Variants in ABL1 observed in about 807,000 individuals in gnomAD.
The protein encoded by ABL1 is ABL proto-oncogene 1, non-receptor tyrosine kinase.
Under a neutral mutation model 94.7 loss-of-function variants are expected in ABL1, and 11 were observed. The ratio of observed to expected loss-of-function variants is 0.12; its 90% CI spans 0.07 to 0.19. The LOEUF (loss-of-function observed/expected upper bound fraction) is 0.19, where lower values mean the gene tolerates loss of function less well. Ranked by LOEUF, ABL1 falls within the 10% of genes least tolerant of loss-of-function variation. The pLI, the probability that ABL1 is intolerant of heterozygous loss-of-function variation, is 1.00. For synonymous variants in ABL1, 656 were observed against 622.4 expected, an observed-to-expected ratio of 1.05 and a Z score of -0.80; for missense variants, 1,082 against 1,489.4, an observed-to-expected ratio of 0.73 and a Z score of 4.50.
At chr9:130,767,865 G>A (rs2791744) in intron 1 of ABL1, among the ~76,000 whole-genome samples, 10,845 of 152,244 alleles carry the variant, frequency 0.071, 575 homozygotes, top group African/African-American at 0.15. Flanking sequence ...GCAGAAGAAA[G>A]TGACATGTTA....
At chr9:130,746,567 G>C (rs546716059) in intron 1 of ABL1, among the ~76,000 whole-genome samples, 1 of 150,688 alleles carries the variant, frequency 6.6e-6, no homozygotes, top group African/African-American at 2.4e-5. Context: ...TTCACTGAGC[G>C]TAATGCCTTT....
intron 1 of ABL1, among the ~76,000 whole-genome samples, chr9:130,821,882 C>T (rs1830367956): frequency 2.0e-5 from 3 of 150,540 alleles, no homozygotes; most frequent in African/African-American, 7.4e-5. Flanking sequence ...GCTCTGTCAC[C>T]CAGGCTGGAG....
chr9:130,793,646 A>C (rs1829936865), intron 1 of ABL1, among the ~76,000 whole-genome samples: 1 of 152,156 alleles, frequency 6.6e-6, no homozygotes, highest in African/African-American at 2.4e-5. Context: ...CAAGTTATTG[A>C]GTGCAGTTTC....
chr9:130,789,937 T>C (rs1218479295), intron 1 of ABL1, among the ~76,000 whole-genome samples: 1 of 152,144 alleles, frequency 6.6e-6, no homozygotes, highest in Non-Finnish European at 1.5e-5. Context: ...AAGGTCCAAC[T>C]TATGTCTAAT....
intron 1 of ABL1, among the ~76,000 whole-genome samples, chr9:130,761,995 T>C (rs73555818): frequency 0.03 from 4,624 of 151,942 alleles, 235 homozygotes; most frequent in African/African-American, 0.11. Flanking sequence ...AATACAAAAT[T>C]AGCTGGGCTT....
chr9:130,809,659 G>A (rs1830180523), intron 1 of ABL1, among the ~76,000 whole-genome samples: 1 of 152,194 alleles, frequency 6.6e-6, no homozygotes, highest in African/African-American at 2.4e-5. Context: ...TTCGAAGGCA[G>A]TTAGGCTGGA....
At chr9:130,756,774 A>T (rs113801572) in intron 1 of ABL1, among the ~76,000 whole-genome samples, 6 of 152,286 alleles carry the variant, frequency 3.9e-5, no homozygotes, top group Admixed American at 1.3e-4. Flanking sequence ...TCTAATAGGG[A>T]TGCCTGATCT....
chr9:130,859,525 G>C (rs73656056), intron 3 of ABL1, among the ~76,000 whole-genome samples: 1 of 151,840 alleles, frequency 6.6e-6, no homozygotes, highest in East Asian at 1.9e-4. Flanking sequence ...AGCAGCTCTC[G>C]GGGGAACTTG....
intron 1 of ABL1, among the ~76,000 whole-genome samples, chr9:130,757,001 C>T (rs1269621494): frequency 4.6e-5 from 7 of 152,188 alleles, no homozygotes; most frequent in African/African-American, 9.6e-5. Context: ...AGCAGGGAGC[C>T]GATGGAAAGG....
rs1305060752 is a variant in ABL1, at chr9:130,886,821, C to T, written c.*1138C>T. On this transcript the variant is annotated 3_prime_UTR_variant, in exon 11 of 11. Coordinates refer to ENST00000318560, the MANE Select transcript of ABL1 (RefSeq NM_005157.6). The stretch of plus-strand genomic sequence containing the variant: ...GAATAGAGCTGCCACTGGGCACCTG[C>T]GCACAGGTGGGAGGAAAGGGCCTGG... 8.6e-6 allele frequency: 2 copies of T among 233,164 alleles called. No individual in the cohort carries two copies. Among genetic ancestry groups the T allele is most frequent in the Admixed American group, 1.1e-4 (2 of 17,754 alleles). 14.4% of individuals were successfully genotyped at this position (233,164 alleles called of 1,614,324 possible). A position where few individuals can be genotyped will look rare whatever the true frequency, so the allele number is the denominator to read the frequency against.
chr9:130,722,187 GT>G (rs1202445974), intron 1 of ABL1, among the ~76,000 whole-genome samples: 1 of 152,056 alleles, frequency 6.6e-6, no homozygotes, highest in Non-Finnish European at 1.5e-5. Flanking sequence ...GAAGTCAGGA[GT>G]TCGAGACCAG....
intron 1 of ABL1, among the ~76,000 whole-genome samples, chr9:130,811,860 G>A (rs758621452): frequency 3.4e-5 from 5 of 146,534 alleles, no homozygotes; most frequent in Admixed American, 7.0e-5. Flanking sequence ...TGCAGTGAGC[G>A]GAGATAGTGC....
intron 1 of ABL1, among the ~76,000 whole-genome samples, chr9:130,774,757 T>G (rs1240048206): frequency 6.6e-6 from 1 of 152,014 alleles, no homozygotes; most frequent in Non-Finnish European, 1.5e-5. Flanking sequence ...GAGGCTGAAG[T>G]ATCTCTTGAA....
intron 1 of ABL1, among the ~76,000 whole-genome samples, chr9:130,851,858 C>T (rs1337919429): frequency 3.3e-5 from 5 of 150,226 alleles, no homozygotes; most frequent in East Asian, 2.0e-4. Flanking sequence ...CCTCACCTCC[C>T]GGGTTCAGGC....
intron 1 of ABL1, among the ~76,000 whole-genome samples, chr9:130,746,946 G>A (rs2253106): frequency 0.22 from 33,504 of 152,034 alleles, 3,968 homozygotes; most frequent in Middle Eastern, 0.4. Context: ...TTCCTCCAGA[G>A]ACTCCAGGAG....
chr9:130,793,455 G>A (rs1209878123), intron 1 of ABL1, among the ~76,000 whole-genome samples: 1 of 152,116 alleles, frequency 6.6e-6, no homozygotes, highest in African/African-American at 2.4e-5. Flanking sequence ...TACTAATCAG[G>A]ATTTCCTGTA....
chr9:130,727,365 C>T (rs943197372), intron 1 of ABL1, among the ~76,000 whole-genome samples: 2 of 151,902 alleles, frequency 1.3e-5, no homozygotes, highest in African/African-American at 2.4e-5. Flanking sequence ...CTGTGCCTGG[C>T]GGTATCTCTC....
chr9:130,723,286 G>A (rs1057179592), intron 1 of ABL1, among the ~76,000 whole-genome samples: 4 of 152,128 alleles, frequency 2.6e-5, no homozygotes, highest in Admixed American at 1.3e-4. Context: ...GCTCACACCT[G>A]TAATCCCAGC....
At chr9:130,851,884 G>C (rs1421960565) in intron 1 of ABL1, among the ~76,000 whole-genome samples, 2 of 147,198 alleles carry the variant, frequency 1.4e-5, no homozygotes, top group Non-Finnish European at 3.0e-5. Context: ...TCCGGCCTCA[G>C]TCTCCTGAGT....
Sources: allele counts gnomAD v4.1 joint callset (sites outside exome capture counted in the v4.1 genomes callset), GRCh38; gene constraint gnomAD v4.1.1; transcripts MANE v1.5; gene names NCBI Gene and HGNC (gene_info 2026-07-23, HGNC 2026-07-21).